The following CNGA1 variants were observed in gnomAD, a reference collection of about 807,000 sequenced individuals.
CNGA1 encodes the protein cyclic nucleotide gated channel subunit alpha 1.
CNGA1 carries 53 observed loss-of-function variants against 69.7 expected under a neutral mutation model. The observed-to-expected ratio is 0.76, with a 90% CI of 0.61 to 0.96. CNGA1 has a LOEUF of 0.96. Ranked by LOEUF, CNGA1 falls within the 40% of genes least tolerant of loss-of-function variation. The pLI, the probability that CNGA1 is intolerant of heterozygous loss-of-function variation, is 0.00. For synonymous variants in CNGA1, 249 were observed against 283.5 expected, an observed-to-expected ratio of 0.88 and a Z score of 1.22; for missense variants, 739 against 811.2, an observed-to-expected ratio of 0.91 and a Z score of 1.08.
At chr4:47,954,439 C>T (rs1029992454) in intron 3 of CNGA1, among the ~76,000 whole-genome samples, 1 of 152,190 alleles carries the variant, frequency 6.6e-6, no homozygotes, top group African/African-American at 2.4e-5. Context: ...GGCACCTTTC[C>T]GTCTGCGTGC....
At chr4:47,956,158 T>A (rs2110168440) in intron 3 of CNGA1, among the ~76,000 whole-genome samples, 1 of 152,346 alleles carries the variant, frequency 6.6e-6, no homozygotes, top group Middle Eastern at 3.4e-3. Flanking sequence ...AATGCATTTG[T>A]ATGAGATTTG....
intron 3 of CNGA1, among the ~76,000 whole-genome samples, chr4:47,962,343 C>CA (rs34020963): frequency 0.018 from 2,238 of 126,024 alleles, 81 homozygotes; most frequent in East Asian, 0.14. Flanking sequence ...GACTCTGTCT[C>CA]AAAAAAAAAA....
intron 2 of CNGA1, among the ~76,000 whole-genome samples, chr4:47,987,149 A>T (rs1236818916): frequency 1.3e-5 from 2 of 152,108 alleles, no homozygotes; most frequent in Non-Finnish European, 2.9e-5. Context: ...GGCTACTTTT[A>T]ATCTTGTTCC....
At chr4:47,995,976 A>C (rs1250058036) in intron 2 of CNGA1, among the ~76,000 whole-genome samples, 2 of 152,148 alleles carry the variant, frequency 1.3e-5, no homozygotes, top group African/African-American at 4.8e-5. Context: ...GGTTGTCTGC[A>C]CAGAGTCCTG....
chr4:47,939,844 C>T (rs1190037327), intron 10 of CNGA1, among the ~76,000 whole-genome samples: 2 of 152,202 alleles, frequency 1.3e-5, no homozygotes, highest in Non-Finnish European at 1.5e-5. Flanking sequence ...AACACGCTAG[C>T]AATGTGCCTA....
chr4:48,003,871 A>G (rs1314132246), intron 2 of CNGA1, among the ~76,000 whole-genome samples: 2 of 152,108 alleles, frequency 1.3e-5, no homozygotes, highest in African/African-American at 4.8e-5. Context: ...AACACCTGCT[A>G]CTTAGCAGAC....
At chr4:47,991,745 C>T (rs1742278872) in intron 2 of CNGA1, among the ~76,000 whole-genome samples, 1 of 152,148 alleles carries the variant, frequency 6.6e-6, no homozygotes, top group Admixed American at 6.5e-5. Context: ...TCTGCCTAAG[C>T]CAATGTCTAG....
At chr4:48,011,771 G>A (rs982499022) in intron 1 of CNGA1, among the ~76,000 whole-genome samples, 1 of 152,158 alleles carries the variant, frequency 6.6e-6, no homozygotes, top group East Asian at 1.9e-4. Context: ...CAGGCTGTAG[G>A]CAAATTTAAA....
At chr4:47,951,588 A>G in intron 4 of CNGA1, 119 bp from the exon 5 acceptor site, 1 of 728,004 alleles carries the variant, frequency 1.4e-6, no homozygotes, top group South Asian at 1.4e-5. Flanking sequence ...TCAAACTAAC[A>G]CACATAACAA....
chr4:47,959,869 G>A (rs1453321288), intron 3 of CNGA1, among the ~76,000 whole-genome samples: 2 of 152,164 alleles, frequency 1.3e-5, no homozygotes, highest in East Asian at 1.9e-4. Flanking sequence ...GCCTCCCAAA[G>A]TGCTGGGATT....
intron 2 of CNGA1, among the ~76,000 whole-genome samples, chr4:47,993,887 C>T (rs148915845): frequency 2.0e-5 from 3 of 152,098 alleles, no homozygotes; most frequent in East Asian, 1.9e-4. Flanking sequence ...TCACTATTGT[C>T]GTTCAGTTCA....
chr4:48,015,241 C>T (rs879884840), intron 1 of CNGA1, among the ~76,000 whole-genome samples: 1 of 152,136 alleles, frequency 6.6e-6, no homozygotes, highest in Non-Finnish European at 1.5e-5. Context: ...AGTTTTAAGG[C>T]TTGTTATGGA....
intron 2 of CNGA1, among the ~76,000 whole-genome samples, chr4:47,989,699 G>C (rs574808138): frequency 6.6e-6 from 1 of 152,022 alleles, no homozygotes; most frequent in East Asian, 1.9e-4. Flanking sequence ...TTGGTTACAT[G>C]AGTAAGTTCT....
intron 2 of CNGA1, among the ~76,000 whole-genome samples, chr4:47,997,790 A>T (rs1408981826): frequency 6.6e-6 from 1 of 152,190 alleles, no homozygotes; most frequent in Non-Finnish European, 1.5e-5. Flanking sequence ...TTCACAAATA[A>T]ATCATGAATT....
At chr4:48,008,419 C>T (rs1320861247) in intron 2 of CNGA1, among the ~76,000 whole-genome samples, 1 of 152,128 alleles carries the variant, frequency 6.6e-6, no homozygotes, top group African/African-American at 2.4e-5. Flanking sequence ...CCTGGCTCCT[C>T]TTACCTTGTT....
At chr4:47,962,223 A>C (rs1207959952) in intron 3 of CNGA1, among the ~76,000 whole-genome samples, 3 of 152,004 alleles carry the variant, frequency 2.0e-5, no homozygotes, top group Non-Finnish European at 2.9e-5. Context: ...GTGTGCCTGT[A>C]ATCCCAGCTA....
chr4:47,999,243 AATAC>A (rs1714548146), intron 2 of CNGA1, among the ~76,000 whole-genome samples: 1 of 152,194 alleles, frequency 6.6e-6, no homozygotes, highest in African/African-American at 2.4e-5. Flanking sequence ...CATAGGCAAA[AATAC>A]ATAGTGTATA....
intron 3 of CNGA1, among the ~76,000 whole-genome samples, chr4:47,970,348 C>T (rs1417476909): frequency 1.3e-5 from 2 of 152,024 alleles, no homozygotes; most frequent in East Asian, 3.9e-4. Flanking sequence ...CCCCCAACTC[C>T]ACAACTGACA....
At chr4:47,946,976 G>A (rs1440780271) in intron 6 of CNGA1, among the ~76,000 whole-genome samples, 6 of 152,056 alleles carry the variant, frequency 3.9e-5, no homozygotes, top group Admixed American at 3.9e-4. Flanking sequence ...TAGAAATGAG[G>A]TTTCACCATG....
Sources: allele counts gnomAD v4.1 joint callset (sites outside exome capture counted in the v4.1 genomes callset), GRCh38; gene constraint gnomAD v4.1.1; transcripts MANE v1.5; gene names NCBI Gene and HGNC (gene_info 2026-07-23, HGNC 2026-07-21).